Variants in LARGE1 observed in about 807,000 individuals in gnomAD.
LARGE1 encodes the protein xylosyl- and glucuronyltransferase LARGE1.
A neutral mutation model predicts 87.6 loss-of-function variants in LARGE1; 43 were observed. The ratio of observed to expected loss-of-function variants is 0.49; its 90% CI spans 0.38 to 0.63. The LOEUF (loss-of-function observed/expected upper bound fraction) is 0.63. LARGE1 is among the 30% of genes least tolerant of loss of function. The probability of loss-of-function intolerance (pLI) is 0.00; values close to 1 mark genes in which losing one functional copy is unlikely to be tolerated. For missense variants in LARGE1, 802 were observed against 1,000.2 expected (o/e 0.80, Z 2.67); for synonymous variants, 434 against 394.6 (o/e 1.10, Z -1.18).
chr22:33,826,732 C>T (rs1357106304), intron 1 of LARGE1, among the ~76,000 whole-genome samples: 2 of 152,156 alleles, frequency 1.3e-5, no homozygotes, highest in African/African-American at 2.4e-5. Flanking sequence ...AACTTAACCA[C>T]ATCCACAAAG....
chr22:33,356,774 A>C (rs1940933933), intron 9 of LARGE1, among the ~76,000 whole-genome samples: 2 of 152,216 alleles, frequency 1.3e-5, no homozygotes, highest in Non-Finnish European at 2.9e-5. Flanking sequence ...ATATCAAAAA[A>C]GAAAAAGAAA....
chr22:33,289,014 G>A (rs889422298), intron 12 of LARGE1, among the ~76,000 whole-genome samples: 10 of 151,836 alleles, frequency 6.6e-5, no homozygotes, highest in African/African-American at 1.9e-4. Flanking sequence ...GCTGGAGTGC[G>A]GTGGTGCGAT....
intron 1 of LARGE1, among the ~76,000 whole-genome samples, chr22:33,790,927 C>T (rs5754671): frequency 0.23 from 34,261 of 152,008 alleles, 4,364 homozygotes; most frequent in East Asian, 0.39. Flanking sequence ...TTTGTTTTTG[C>T]TTTAAAAGGC....
chr22:33,891,662 C>T (rs2065010320), intron 1 of LARGE1, among the ~76,000 whole-genome samples: 1 of 152,312 alleles, frequency 6.6e-6, no homozygotes, highest in East Asian at 1.9e-4. Flanking sequence ...TTAGCAAACA[C>T]ATCCCTGGCA....
At chr22:33,536,076 C>T (rs1280638610) in intron 6 of LARGE1, among the ~76,000 whole-genome samples, 1 of 152,196 alleles carries the variant, frequency 6.6e-6, no homozygotes, top group East Asian at 1.9e-4. Flanking sequence ...CATCCTCTTG[C>T]AACATCTGCA....
chr22:33,311,302 G>A (rs897962337), intron 11 of LARGE1, among the ~76,000 whole-genome samples: 9 of 152,170 alleles, frequency 5.9e-5, no homozygotes, highest in Non-Finnish European at 1.5e-5. Context: ...GCCCAGGCCA[G>A]AAGGATGGAT....
chr22:33,466,163 C>G (rs1237268401), intron 6 of LARGE1, among the ~76,000 whole-genome samples: 2 of 152,196 alleles, frequency 1.3e-5, no homozygotes, highest in Non-Finnish European at 2.9e-5. Context: ...TGTCTCATGC[C>G]CACGCACATG....
chr22:33,449,709 T>A (rs1215171869), intron 6 of LARGE1, among the ~76,000 whole-genome samples: 1 of 152,250 alleles, frequency 6.6e-6, no homozygotes, highest in Non-Finnish European at 1.5e-5. Flanking sequence ...TCAAAGCACA[T>A]GCTTCGAGGA....
chr22:33,551,084 T>A (rs539659866), intron 6 of LARGE1, among the ~76,000 whole-genome samples: 1 of 152,244 alleles, frequency 6.6e-6, no homozygotes, highest in South Asian at 2.1e-4. Flanking sequence ...GATGAGAAAT[T>A]AATGTGTATA....
chr22:33,208,258 A>C (rs1924782924), intron 11 of LARGE1, among the ~76,000 whole-genome samples: 1 of 152,250 alleles, frequency 6.6e-6, no homozygotes, highest in African/African-American at 2.4e-5. Context: ...AAAATCGTAT[A>C]GGCCACATAG....
At chr22:33,219,311 C>A (rs1055419588) in intron 11 of LARGE1, among the ~76,000 whole-genome samples, 3 of 152,168 alleles carry the variant, frequency 2.0e-5, no homozygotes, top group African/African-American at 7.2e-5. Flanking sequence ...TGTCTCTCAT[C>A]GTGTCAGTCA....
the LARGE1 span, among the ~76,000 whole-genome samples, chr22:33,079,034 C>G: frequency 3.9e-5 from 6 of 152,162 alleles, no homozygotes; most frequent in Admixed American, 3.9e-4. Context: ...GGGCTTGAAC[C>G]TGGCTCTACT....
chr22:33,278,794 A>G (rs1325313067), intron 13 of LARGE1, among the ~76,000 whole-genome samples: 1 of 152,042 alleles, frequency 6.6e-6, no homozygotes, highest in Admixed American at 6.5e-5. Context: ...ATCTTGGCTC[A>G]CTGCAACCTC....
chr22:33,861,860 CTTTTTTTT>C (rs59657748), intron 1 of LARGE1, among the ~76,000 whole-genome samples: 36 of 117,216 alleles, frequency 3.1e-4, no homozygotes, highest in African/African-American at 1.2e-3. Context: ...CCCAGACATT[CTTTTTTTT>C]TTTTTTTTTT....
intron 4 of LARGE1, 95 bp from the exon 5 acceptor site, chr22:33,604,653 G>T: frequency 6.7e-7 from 1 of 1,501,664 alleles, no homozygotes; most frequent in Non-Finnish European, 9.2e-7. Flanking sequence ...CTACGGTGGG[G>T]CACGTTTCTA....
At chr22:33,827,832 A>C (rs2062844427) in intron 1 of LARGE1, among the ~76,000 whole-genome samples, 1 of 152,122 alleles carries the variant, frequency 6.6e-6, no homozygotes, top group Non-Finnish European at 1.5e-5. Context: ...CCCTCCCCTC[A>C]ACACCTCCTC....
At chr22:33,512,545 G>A (rs1010169143) in intron 6 of LARGE1, among the ~76,000 whole-genome samples, 1 of 152,252 alleles carries the variant, frequency 6.6e-6, no homozygotes, top group African/African-American at 2.4e-5. Flanking sequence ...GCTCACGCCT[G>A]TAATCCCAGC....
chr22:33,843,995 C>A (rs1388748354), intron 1 of LARGE1, among the ~76,000 whole-genome samples: 1 of 151,386 alleles, frequency 6.6e-6, no homozygotes, highest in Non-Finnish European at 1.5e-5. Context: ...AGGAGAATCG[C>A]TTGAACCCGG....
At position 33,389,232 on chromosome 22, in the gene LARGE1, C is replaced by G. The variant is rs553192318; in HGVS notation, c.893-4928G>C. ...GCAAATGCCAGGACAGACGCCTGAACACACGCACAGGCAATAAATCAGGAA... is the reference window on the plus strand; with the variant it reads ...GCAAATGCCAGGACAGACGCCTGAAGACACGCACAGGCAATAAATCAGGAA... On this transcript the variant is annotated intron_variant, in intron 7 of 14. Transcript: ENST00000397394. 1.2e-3 allele frequency among the ~76,000 whole-genome samples: 180 copies of G among 152,364 alleles called. 1 individual carries two copies. The highest frequency in any genetic ancestry group is 4.2e-3 in the African/African-American group (176 of 41,586).
Sources: gnomAD v4.1 joint callset for allele counts (sites outside exome capture counted in the v4.1 genomes callset) on GRCh38, gnomAD v4.1.1 for gene constraint, MANE v1.5 for transcripts, NCBI Gene and HGNC (gene_info 2026-07-23, HGNC 2026-07-21) for gene names.